The following CNTNAP2 variants were observed in gnomAD, a reference collection of about 807,000 sequenced individuals.
CNTNAP2 encodes contactin associated protein 2, also known as contactin-associated protein-like 2.
CNTNAP2 carries 98 observed loss-of-function variants against 155.2 expected under a neutral mutation model. The ratio of observed to expected loss-of-function variants is 0.63; its 90% CI spans 0.54 to 0.75. CNTNAP2 has a LOEUF of 0.75. Ranked by LOEUF, CNTNAP2 falls within the 30% of genes least tolerant of loss-of-function variation. The pLI is 0.00. For missense variants in CNTNAP2, 1,727 were observed against 1,688.1 expected (o/e 1.02, Z -0.40); for synonymous variants, 651 against 631.2 (o/e 1.03, Z -0.47).
At chr7:147,281,151 T>G (rs1190482148) in intron 8 of CNTNAP2, among the ~76,000 whole-genome samples, 1 of 151,916 alleles carries the variant, frequency 6.6e-6, no homozygotes, top group Non-Finnish European at 1.5e-5. Flanking sequence ...AAAAGAAAGT[T>G]CATATGTAAC....
Position 148,002,118 on chromosome 7 carries a change from T to G in CNTNAP2, c.2383+24129T>G, listed in dbSNP as rs552018986. Among the ~76,000 whole-genome samples the G allele has an allele frequency of 2.6e-5, 4 of 152,308 alleles. No individual in the cohort carries two copies. The South Asian group carries it at 8.3e-4, about 32-fold the overall frequency. On this transcript the variant is annotated intron_variant, in intron 15 of 23. Coordinates refer to ENST00000361727, the MANE Select transcript of CNTNAP2 (RefSeq NM_014141.6). ...TCTTTCTGCACCATAATTAGTTGCATGTATAGTTAATTATTATGAGAAAAG... is the reference window on the plus strand; with the variant it reads ...TCTTTCTGCACCATAATTAGTTGCAGGTATAGTTAATTATTATGAGAAAAG...
chr7:146,665,788 A>AAAAAAAAAAAAAAAAAAAAAAAAAAAAC (rs1328734569), intron 1 of CNTNAP2, among the ~76,000 whole-genome samples: 46 of 142,106 alleles, frequency 3.2e-4, no homozygotes, highest in East Asian at 1.6e-3. Flanking sequence ...CTCATTAAAA[A>AAAAAAAAAAAAAAAAAAAAAAAAAAAAC]AAAAAAAAAA....
At chr7:147,631,470 TA>T (rs915207235) in intron 12 of CNTNAP2, among the ~76,000 whole-genome samples, 3 of 151,880 alleles carry the variant, frequency 2.0e-5, no homozygotes, top group Admixed American at 6.6e-5. Flanking sequence ...CACAGAACTA[TA>T]AAAAACAATC....
chr7:146,812,893 C>T (rs1339367817), intron 2 of CNTNAP2, among the ~76,000 whole-genome samples: 1 of 152,080 alleles, frequency 6.6e-6, no homozygotes, highest in Non-Finnish European at 1.5e-5. Flanking sequence ...TGCTTCAGCA[C>T]CAGCTATGGC....
chr7:146,299,279 AAAAAT>A (rs1208084885), intron 1 of CNTNAP2, among the ~76,000 whole-genome samples: 3 of 152,200 alleles, frequency 2.0e-5, no homozygotes, highest in Non-Finnish European at 4.4e-5. Context: ...CTAAAAAAAT[AAAAAT>A]AAAATAAGAT....
In CNTNAP2 at chr7:146,386,112, T is replaced by C. The variant is rs1584900580; in HGVS notation, c.97+269139T>C. Among the ~76,000 whole-genome samples, 5 of 152,246 alleles carry C rather than the reference T, an allele frequency of 3.3e-5. No homozygotes were observed. The South Asian group carries it at 1.0e-3, about 32-fold the overall frequency. On this transcript the variant is annotated intron_variant, in intron 1 of 23. Transcript: ENST00000361727. The stretch of plus-strand genomic sequence containing the variant: ...AATAGCTTTCACTTTCTTAGCTGTT[T>C]CTTCTGGTGTTTACTCTTATATTCA...
chr7:148,392,190 C>T (rs910437671), intron 22 of CNTNAP2, among the ~76,000 whole-genome samples: 2 of 139,502 alleles, frequency 1.4e-5, no homozygotes, highest in Non-Finnish European at 1.6e-5. Flanking sequence ...TCTACTGCCT[C>T]GGCCTCCTGA....
intron 1 of CNTNAP2, among the ~76,000 whole-genome samples, chr7:146,599,420 C>G (rs968118499): frequency 6.6e-6 from 1 of 151,946 alleles, no homozygotes; most frequent in Non-Finnish European, 1.5e-5. Flanking sequence ...CCCGTATTTC[C>G]TCTCTGATCT....
At chr7:147,797,163 G>T (rs947519237) in intron 13 of CNTNAP2, among the ~76,000 whole-genome samples, 2 of 151,948 alleles carry the variant, frequency 1.3e-5, no homozygotes, top group Admixed American at 1.3e-4. Context: ...TATAATTCTC[G>T]TTGAGGGAAC....
At chr7:147,594,281 A>G (rs911534283) in intron 12 of CNTNAP2, among the ~76,000 whole-genome samples, 2 of 151,970 alleles carry the variant, frequency 1.3e-5, no homozygotes, top group Admixed American at 6.6e-5. Context: ...GCGCACCACC[A>G]TGCCCAGCTA....
intron 14 of CNTNAP2, among the ~76,000 whole-genome samples, chr7:147,948,658 CAT>C (rs758473015): frequency 1.6e-3 from 235 of 148,640 alleles, no homozygotes; most frequent in South Asian, 2.1e-3. Context: ...CACACACACA[CAT>C]ATATATATGT....
chr7:147,962,800 T>C (rs1356974103), intron 14 of CNTNAP2, among the ~76,000 whole-genome samples: 1 of 152,134 alleles, frequency 6.6e-6, no homozygotes, highest in Non-Finnish European at 1.5e-5. Flanking sequence ...GATGAGGAAA[T>C]TAACAATAAG....
rs558133299 is a variant in CNTNAP2 at position 146,550,821 on chromosome 7, G to C, written c.98-223450G>C. On this transcript the variant is annotated intron_variant, in intron 1 of 23. Coordinates refer to ENST00000361727, the MANE Select transcript of CNTNAP2 (RefSeq NM_014141.6). The stretch of plus-strand genomic sequence containing the variant: ...AAGACAAGACACTTGGAACCATTCA[G>C]ATTTTTAAACCTGTTCCACAGGACA... Among the ~76,000 whole-genome samples, 4 of 152,174 alleles carry C rather than the reference G, an allele frequency of 2.6e-5. No individual in the cohort carries two copies. The South Asian group carries it at 8.3e-4, about 32-fold the overall frequency.
At chr7:148,147,735 C>T in intron 17 of CNTNAP2, 26 bp downstream of exon 17, 1 of 1,601,396 alleles carries the variant, frequency 6.2e-7, no homozygotes, top group Non-Finnish European at 8.5e-7. Context: ...GTAACCATGG[C>T]TTCCCTCTGT....
At chr7:147,228,057 A>G (rs867000817) in intron 8 of CNTNAP2, among the ~76,000 whole-genome samples, 110 of 152,172 alleles carry the variant, frequency 7.2e-4, no homozygotes, top group African/African-American at 2.6e-3. Flanking sequence ...AAATCGTGTC[A>G]AGGAACAGTA....
At chr7:146,216,285 T>G (rs1387227518) in intron 1 of CNTNAP2, among the ~76,000 whole-genome samples, 2 of 152,166 alleles carry the variant, frequency 1.3e-5, no homozygotes, top group Non-Finnish European at 2.9e-5. Context: ...GTGGGAGATA[T>G]GAGTGGAGAA....
At chr7:147,869,857 C>T (rs1289807595) in intron 13 of CNTNAP2, among the ~76,000 whole-genome samples, 1 of 152,124 alleles carries the variant, frequency 6.6e-6, no homozygotes, top group Non-Finnish European at 1.5e-5. Flanking sequence ...TATTTTACAT[C>T]ATCTCATCAG....
chr7:146,828,551 G>A (rs1235749091), intron 2 of CNTNAP2, among the ~76,000 whole-genome samples: 2 of 151,886 alleles, frequency 1.3e-5, no homozygotes, highest in Non-Finnish European at 2.9e-5. Flanking sequence ...TTATCCTAAT[G>A]CTTTAAAAAT....
intron 2 of CNTNAP2, among the ~76,000 whole-genome samples, chr7:146,795,721 T>G (rs12111641): frequency 0.4 from 61,009 of 152,096 alleles, 15,653 homozygotes; most frequent in African/African-American, 0.73. Context: ...AGACAAAATC[T>G]TATGGATTCT....
Sources: gnomAD v4.1 joint callset for allele counts (sites outside exome capture counted in the v4.1 genomes callset) on GRCh38, gnomAD v4.1.1 for gene constraint, MANE v1.5 for transcripts, NCBI Gene and HGNC (gene_info 2026-07-23, HGNC 2026-07-21) for gene names.